The following NALCN variants were observed in gnomAD, a reference collection of about 807,000 sequenced individuals.
The protein encoded by NALCN is sodium leak channel, non-selective.
Under a neutral mutation model 225.3 loss-of-function variants are expected in NALCN, and 111 were observed. That is an observed-to-expected ratio of 0.49 (90% CI 0.42 to 0.58). NALCN has a LOEUF of 0.58. Ranked by LOEUF, NALCN falls within the 20% of genes least tolerant of loss-of-function variation. NALCN has a pLI of 0.00. For synonymous variants in NALCN, 764 were observed against 769.0 expected (o/e 0.99, Z 0.11); for missense variants, 1,378 against 2,202.4 (o/e 0.63, Z 7.49).
At chr13:101,231,205 C>T (rs927180972) in intron 12 of NALCN, among the ~76,000 whole-genome samples, 2 of 152,060 alleles carry the variant, frequency 1.3e-5, no homozygotes, top group Non-Finnish European at 2.9e-5. Context: ...TACACACACA[C>T]ACACACATCT....
intron 18 of NALCN, among the ~76,000 whole-genome samples, chr13:101,120,689 G>A (rs2035933773): frequency 6.6e-6 from 1 of 152,164 alleles, no homozygotes; most frequent in African/African-American, 2.4e-5. Context: ...CCCAAGTCAA[G>A]AAGGAGAATG....
chr13:101,291,870 G>T, intron 9 of NALCN, 120 bp downstream of exon 9: 1 of 989,226 alleles, frequency 1.0e-6, no homozygotes, highest in Non-Finnish European at 1.5e-6. Context: ...TTTTTAAACA[G>T]CTTCCTGAGT....
chr13:101,286,046 C>T lies in NALCN; in HGVS notation c.1048-2027G>A, dbSNP rs372730306. On this transcript the variant is annotated intron_variant, in intron 9 of 43. Transcript: ENST00000251127. ...CAGTAAAAGTGTTCTCCCAAGGTCA[C>T]TTATTTGTATGAAATAAGTAAAGGA... 1.2e-4 allele frequency among the ~76,000 whole-genome samples: 18 copies of T among 152,224 alleles called. No homozygotes were observed. The East Asian group carries it at 1.9e-3, about 16-fold the overall frequency.
chr13:101,116,906 GA>G, intron 18 of NALCN: 2 of 506,562 alleles, frequency 3.9e-6, no homozygotes, highest in South Asian at 2.9e-5. Context: ...GTATTTCCTG[GA>G]AATGGCTCTT....
chr13:101,185,858 AAGACACATC>A (rs1290486953), intron 14 of NALCN, among the ~76,000 whole-genome samples: 1 of 152,236 alleles, frequency 6.6e-6, no homozygotes, highest in African/African-American at 2.4e-5. Flanking sequence ...GTGTGAACAA[AAGACACATC>A]AGAGCTTGTA....
At chr13:101,378,168 T>C (rs1273420592) in intron 4 of NALCN, among the ~76,000 whole-genome samples, 3 of 152,096 alleles carry the variant, frequency 2.0e-5, no homozygotes, top group Admixed American at 6.5e-5. Flanking sequence ...TTTTCTATAG[T>C]ATTGATTTTC....
At chr13:101,256,694 T>G (rs922192604) in intron 11 of NALCN, among the ~76,000 whole-genome samples, 1 of 152,132 alleles carries the variant, frequency 6.6e-6, no homozygotes, top group South Asian at 2.1e-4. Context: ...TTGATGAGGC[T>G]TCCTTCATTG....
In NALCN at chr13:101,107,946, T is replaced by C. The variant is rs659303; in HGVS notation, c.2365-157A>G. On this transcript the variant is annotated intron_variant, in intron 20 of 43. Transcript: ENST00000251127. Reference sequence around the variant, plus strand: ...TTAAACATATATTTATATATTTATATTAAATGTATATTTTACAATGTATAT... The same window carrying C: ...TTAAACATATATTTATATATTTATACTAAATGTATATTTTACAATGTATAT... Among the ~76,000 whole-genome samples, 134,522 of 148,352 alleles carry C rather than the reference T, an allele frequency of 0.91. 61,175 individuals carry two copies. The highest frequency in any genetic ancestry group is 1 in the East Asian group (5,115 of 5,128).
chr13:101,079,046 G>A (rs2033450845), intron 34 of NALCN, among the ~76,000 whole-genome samples: 1 of 152,208 alleles, frequency 6.6e-6, no homozygotes, highest in Non-Finnish European at 1.5e-5. Context: ...TGTGAAGAAG[G>A]ATGTGTTTGC....
Position 101,347,902 on chromosome 13 carries a change from T to G in NALCN, c.645-2482A>C, listed in dbSNP as rs540103068. Among the ~76,000 whole-genome samples the G allele has an allele frequency of 4.6e-5, 7 of 152,238 alleles. No individual in the cohort carries two copies. The South Asian group carries it at 1.0e-3, about 23-fold the overall frequency. ...ATTATTAATCATTACAATAATACAA[T>G]GTAGCATAAATCCCAGCATGTAAAA... is the stretch of plus-strand genomic sequence containing the variant. On this transcript the variant is annotated intron_variant, in intron 6 of 43. Coordinates refer to ENST00000251127, the MANE Select transcript of NALCN (RefSeq NM_052867.4).
intron 1 of NALCN, among the ~76,000 whole-genome samples, chr13:101,408,104 G>T (rs73567907): frequency 0.023 from 3,431 of 152,210 alleles, 113 homozygotes; most frequent in East Asian, 0.11. Flanking sequence ...CTTTCTGATT[G>T]CCACCCCAGG....
intron 1 of NALCN, among the ~76,000 whole-genome samples, chr13:101,402,966 C>T (rs1161416977): frequency 6.6e-6 from 1 of 152,162 alleles, no homozygotes; most frequent in Non-Finnish European, 1.5e-5. Context: ...TGTACAACGG[C>T]CTTTTTCACC....
At chr13:101,182,837 CG>C (rs146678463) in intron 14 of NALCN, among the ~76,000 whole-genome samples, 3,718 of 152,214 alleles carry the variant, frequency 0.024, 144 homozygotes, top group African/African-American at 0.086. Context: ...AATGACTTTG[CG>C]GTTCTTTTCT....
At chr13:101,308,568 G>C (rs936628859) in intron 7 of NALCN, among the ~76,000 whole-genome samples, 3 of 152,148 alleles carry the variant, frequency 2.0e-5, no homozygotes, top group Non-Finnish European at 4.4e-5. Context: ...GAGCCATTGT[G>C]TTGTGAGTTC....
intron 11 of NALCN, among the ~76,000 whole-genome samples, chr13:101,243,419 G>A (rs1442754247): frequency 9.6e-6 from 1 of 103,984 alleles, no homozygotes; most frequent in Non-Finnish European, 2.1e-5. Context: ...GGATTCTCTC[G>A]CCCATCAATT....
chr13:101,346,355 G>T (rs956865838), intron 6 of NALCN, among the ~76,000 whole-genome samples: 14 of 152,080 alleles, frequency 9.2e-5, no homozygotes, highest in Non-Finnish European at 1.3e-4. Context: ...CTTGTCTGAG[G>T]AGTCATTGTG....
At chr13:101,351,615 A>C (rs2045910732) in intron 6 of NALCN, among the ~76,000 whole-genome samples, 1 of 152,196 alleles carries the variant, frequency 6.6e-6, no homozygotes, top group Admixed American at 6.5e-5. Context: ...GTGATTAACC[A>C]ACTTAATTAC....
chr13:101,179,525 G>C (rs1446949129), intron 14 of NALCN, among the ~76,000 whole-genome samples: 1 of 152,152 alleles, frequency 6.6e-6, no homozygotes, highest in Non-Finnish European at 1.5e-5. Flanking sequence ...GTCCTTTCAA[G>C]CTCAGTTACA....
chr13:101,137,801 T>C (rs1252376166), intron 17 of NALCN, among the ~76,000 whole-genome samples: 1 of 152,226 alleles, frequency 6.6e-6, no homozygotes, highest in East Asian at 1.9e-4. Context: ...ATGGTACAGT[T>C]TAGTAACAGT....
Sources: gnomAD v4.1 joint callset for allele counts (sites outside exome capture counted in the v4.1 genomes callset) on GRCh38, gnomAD v4.1.1 for gene constraint, MANE v1.5 for transcripts, NCBI Gene and HGNC (gene_info 2026-07-23, HGNC 2026-07-21) for gene names.